NAT10: variants seen among roughly 807,000 people sequenced by gnomAD.
NAT10 encodes N-acetyltransferase 10, also known as RNA cytidine acetyltransferase.
A neutral mutation model predicts 132.2 loss-of-function variants in NAT10; 109 were observed. The ratio of observed to expected loss-of-function variants is 0.82; its 90% CI spans 0.71 to 0.97. The LOEUF is 0.97. NAT10 is among the 50% of genes least tolerant of loss of function. The probability of loss-of-function intolerance (pLI) is 0.00; values close to 1 mark genes in which losing one functional copy is unlikely to be tolerated. For missense variants in NAT10, 1,184 were observed against 1,263.4 expected, an observed-to-expected ratio of 0.94 and a Z score of 0.95; for synonymous variants, 479 against 478.0, an observed-to-expected ratio of 1.00 and a Z score of -0.03.
intron 19 of NAT10, 43 bp from the exon 20 acceptor site, chr11:34,136,595 TCTCC>T (rs753959900): frequency 2.5e-6 from 4 of 1,612,210 alleles, no homozygotes; most frequent in African/African-American, 1.3e-5. Flanking sequence ...ACGATGTCTC[TCTCC>T]CTCTGCTGAA....
intron 8 of NAT10, among the ~76,000 whole-genome samples, chr11:34,120,181 A>T (rs1445314220): frequency 9.7e-5 from 4 of 41,196 alleles, no homozygotes; most frequent in East Asian, 8.0e-4. Flanking sequence ...CGGTCTGCTT[A>T]TTTCCTCTGC....
chr11:34,146,296 C>CCG lies in NAT10; in HGVS notation c.*104_*105insCG. ...AAAGCAACGAGAGGCCCCGGCACAC[C>CCG]TGGAAGCTGGCCGCGAATTCGGCCT... On this transcript the variant is annotated 3_prime_UTR_variant, in exon 29 of 29. Transcript: ENST00000257829. 1 of 840,150 alleles carries CCG rather than the reference C, an allele frequency of 1.2e-6. No homozygotes were observed. Among genetic ancestry groups the CCG allele is most frequent in the South Asian group, 1.8e-5 (1 of 54,098 alleles). The allele number at this position is 840,150 out of a possible 1,614,324, so 52.0% of individuals were successfully genotyped here. A position where few individuals can be genotyped will look rare whatever the true frequency, so the allele number is the denominator to read the frequency against.
intron 11 of NAT10, among the ~76,000 whole-genome samples, chr11:34,125,750 G>T (rs967190322): frequency 2.0e-5 from 3 of 152,152 alleles, no homozygotes; most frequent in African/African-American, 7.2e-5. Context: ...ATCACTTGAG[G>T]TCAGGAGTTG....
At chr11:34,121,215 C>T (rs1851886276) in intron 8 of NAT10, among the ~76,000 whole-genome samples, 1 of 152,096 alleles carries the variant, frequency 6.6e-6, no homozygotes, top group Non-Finnish European at 1.5e-5. Context: ...CGTCTGGCTG[C>T]TGTGTTGAAT....
In NAT10 at chr11:34,139,515, G is replaced by A. The variant is rs1852283532; in HGVS notation, c.2419+20G>A. The A allele has an allele frequency of 6.2e-7, 1 of 1,604,522 alleles. No individual in the cohort carries two copies. The highest frequency in any genetic ancestry group is 8.5e-7 in the Non-Finnish European group (1 of 1,171,298). On this transcript the variant is annotated intron_variant, in intron 23 of 28. Transcript: ENST00000257829. ...AGCCTGGTGAGCCGGGTGGGGACAGGGAGGAGGGTTGGGAATGGCTTGGCT... is the reference window on the plus strand; with the variant it reads ...AGCCTGGTGAGCCGGGTGGGGACAGAGAGGAGGGTTGGGAATGGCTTGGCT...
At chr11:34,121,688 C>T (rs887267157) in intron 8 of NAT10, among the ~76,000 whole-genome samples, 15 of 150,706 alleles carry the variant, frequency 1.0e-4, no homozygotes, top group African/African-American at 2.7e-4. Context: ...GGTGAAACCC[C>T]GTCTCTACTA....
At chr11:34,108,090 G>A (rs1851627201) in intron 1 of NAT10, 121 bp from the exon 2 acceptor site, 2 of 658,850 alleles carry the variant, frequency 3.0e-6, no homozygotes, top group Non-Finnish European at 5.3e-6. Context: ...CTCGTAGAGG[G>A]TTAAGTAAGA....
At chr11:34,115,151 G>A (rs913143931) in intron 5 of NAT10, among the ~76,000 whole-genome samples, 20 of 152,296 alleles carry the variant, frequency 1.3e-4, no homozygotes, top group East Asian at 3.9e-4. Context: ...GCAAGACTCC[G>A]TCTCAAAATA....
chr11:34,112,206 G>A lies in NAT10; in HGVS notation c.355G>A (p.Gly119Ser), dbSNP rs764047684. 31 of 1,614,052 alleles carry A rather than the reference G, an allele frequency of 1.9e-5. No individual in the cohort carries two copies. The highest frequency in any genetic ancestry group is 2.2e-5 in the East Asian group (1 of 44,896). ...ETHKILGNTF[G>S]MCVLQDFEAL... ...CCACAAGATCCTGGGCAATACCTTCGGCATGTGTGTGCTGCAGGTGGGTGG... is the reference window on the plus strand; with the variant it reads ...CCACAAGATCCTGGGCAATACCTTCAGCATGTGTGTGCTGCAGGTGGGTGG... The change falls in exon 4 of 29, where the codon GGC (glycine) becomes AGC (serine). Residue 119 changes from glycine to serine, a missense_variant. Coordinates refer to ENST00000257829, the MANE Select transcript of NAT10 (RefSeq NM_024662.3).
At position 34,105,664 on chromosome 11, in the gene NAT10, TTACTACGTGACCCGGACACCAGGCA is replaced by T. The variant is rs1191646940; in HGVS notation, c.-140_-116del. The T allele has an allele frequency of 2.0e-5, 3 of 152,346 alleles. No homozygotes were observed. Among genetic ancestry groups the T allele is most frequent in the African/African-American group, 7.2e-5 (3 of 41,484 alleles). 9.4% of individuals were successfully genotyped at this position (152,346 alleles called of 1,614,324 possible). ...AGGGACGCGTGCCGCGGAGCCAGGC[TTACTACGTGACCCGGACACCAGGCA>T]TACGCTAGGGGCAGTCAGCTGTGCC... On this transcript the variant is annotated 5_prime_UTR_variant, in exon 1 of 29. Coordinates refer to ENST00000257829, the MANE Select transcript of NAT10 (RefSeq NM_024662.3).
Position 34,135,305 on chromosome 11 carries a change from G to A in NAT10, c.2028+14G>A, listed in dbSNP as rs751916355. The stretch of plus-strand genomic sequence containing the variant: ...GTAAGCAGCGAGGTAAGCATCTTTC[G>A]ACAGACCTCCTGTGTCCTGGTTCTT... On this transcript the variant is annotated intron_variant, in intron 19 of 28. Transcript: ENST00000257829. 7 of 1,603,174 alleles carry A rather than the reference G, an allele frequency of 4.4e-6. No homozygotes were observed. Among genetic ancestry groups the A allele is most frequent in the African/African-American group, 1.3e-5 (1 of 74,740 alleles).
chr11:34,133,770 C>A (rs1011554408), intron 16 of NAT10, among the ~76,000 whole-genome samples: 1 of 152,160 alleles, frequency 6.6e-6, no homozygotes, highest in Non-Finnish European at 1.5e-5. Flanking sequence ...TAGAGACTCT[C>A]TTCTAATGTG....
intron 21 of NAT10, among the ~76,000 whole-genome samples, chr11:34,138,121 C>T (rs1451895333): frequency 1.3e-5 from 2 of 152,138 alleles, no homozygotes; most frequent in East Asian, 1.9e-4. Context: ...CTGCTGGGTT[C>T]GATCCTGCAA....
intron 4 of NAT10, 123 bp from the exon 5 acceptor site, chr11:34,113,593 C>T (rs919184986): frequency 5.1e-5 from 61 of 1,201,358 alleles, no homozygotes; most frequent in African/African-American, 6.7e-5. Context: ...GCCAAGATTG[C>T]GCCACTGCAC....
Position 34,146,375 on chromosome 11 carries a change from A to C in NAT10, c.*183A>C. The stretch of plus-strand genomic sequence containing the variant: ...TGGCTAAAGGCAGAGTCACTCCCAA[A>C]TGGGTCTCTTTAGAACTTGATGGCT... On this transcript the variant is annotated 3_prime_UTR_variant, in exon 29 of 29. Transcript: ENST00000257829. 1.9e-6 allele frequency: 1 copy of C among 539,096 alleles called. No homozygotes were observed. The highest frequency in any genetic ancestry group is 3.3e-6 in the Non-Finnish European group (1 of 301,946). The allele number at this position is 539,096 out of a possible 1,614,324, so 33.4% of individuals were successfully genotyped here. A position where few individuals can be genotyped will look rare whatever the true frequency, so the allele number is the denominator to read the frequency against.
At chr11:34,108,426 T>A in intron 2 of NAT10, 93 bp downstream of exon 2, 1 of 1,021,626 alleles carries the variant, frequency 9.8e-7, no homozygotes, top group Admixed American at 2.0e-5. Context: ...CATAATGGCA[T>A]TAAGATCTCT....
Position 34,140,402 on chromosome 11 carries a change from C to T in NAT10, c.2422C>T (p.Leu808=). The change falls in exon 24 of 29, where the codon CTG becomes TTG. Residue 808 remains leucine (L), a splice_region_variant and synonymous_variant. Transcript: ENST00000257829. ...RNMGKPAQPA[L]SREELEALFL... is the part of the protein sequence containing the mutation. Reference sequence around the variant, plus strand: ...CTAGCTCTCTATCCCATGGACAGCCCTGAGCCGGGAGGAGCTGGAAGCACT... The same window carrying T: ...CTAGCTCTCTATCCCATGGACAGCCTTGAGCCGGGAGGAGCTGGAAGCACT... 6.2e-7 allele frequency: 1 copy of T among 1,613,340 alleles called. No individual in the cohort carries two copies. Among genetic ancestry groups the T allele is most frequent in the Non-Finnish European group, 8.5e-7 (1 of 1,179,336 alleles).
intron 14 of NAT10, among the ~76,000 whole-genome samples, chr11:34,131,779 G>A (rs1303843275): frequency 6.7e-6 from 1 of 148,842 alleles, no homozygotes; most frequent in African/African-American, 2.5e-5. Flanking sequence ...TCTGCCTCCC[G>A]GGTTCAAGTG....
chr11:34,115,948 C>T, intron 6 of NAT10, 64 bp downstream of exon 6: 1 of 1,544,366 alleles, frequency 6.5e-7, no homozygotes, highest in Non-Finnish European at 8.9e-7. Context: ...TTATCTTGGA[C>T]TCAACTGAAA....
Sources: gnomAD v4.1 joint callset for allele counts (sites outside exome capture counted in the v4.1 genomes callset) on GRCh38, gnomAD v4.1.1 for gene constraint, MANE v1.5 for transcripts, NCBI Gene and HGNC (gene_info 2026-07-23, HGNC 2026-07-21) for gene names.